Variants in GALNT13 observed in about 807,000 individuals in gnomAD.
GALNT13 encodes polypeptide N-acetylgalactosaminyltransferase 13.
Under a neutral mutation model 64.2 loss-of-function variants are expected in GALNT13, and 28 were observed. The observed-to-expected ratio is 0.44, with a 90% CI of 0.32 to 0.60. The LOEUF (loss-of-function observed/expected upper bound fraction) is 0.60, where lower values mean the gene tolerates loss of function less well. Ranked by LOEUF, GALNT13 falls within the 20% of genes least tolerant of loss-of-function variation. GALNT13 has a pLI of 0.05. For synonymous variants in GALNT13, 214 were observed against 224.6 expected (o/e 0.95, Z 0.42); for missense variants, 577 against 669.8 (o/e 0.86, Z 1.53).
At chr2:154,291,791 C>T (rs1305282281) in intron 8 of GALNT13, among the ~76,000 whole-genome samples, 1 of 152,274 alleles carries the variant, frequency 6.6e-6, no homozygotes, top group African/African-American at 2.4e-5. Context: ...TCAGCAAGAG[C>T]GGACGCTGAG....
At chr2:153,926,412 A>G (rs939559154) in intron 2 of GALNT13, 2 of 152,114 alleles carry the variant, frequency 1.3e-5, no homozygotes, top group African/African-American at 2.4e-5. Flanking sequence ...GTATTTGTTT[A>G]AACAAAAGCC....
intron 4 of GALNT13, among the ~76,000 whole-genome samples, chr2:154,230,261 A>G (rs976460207): frequency 2.6e-5 from 4 of 152,142 alleles, no homozygotes; most frequent in Non-Finnish European, 5.9e-5. Flanking sequence ...GTAAAAATTT[A>G]ACTTATGAAT....
chr2:153,694,239 A>G, the GALNT13 span, among the ~76,000 whole-genome samples: 1 of 152,118 alleles, frequency 6.6e-6, no homozygotes, highest in Non-Finnish European at 1.5e-5. Flanking sequence ...TGGGGTGCTG[A>G]GAGTTTATTT....
chr2:153,746,625 C>T, the GALNT13 span, among the ~76,000 whole-genome samples: 1 of 151,988 alleles, frequency 6.6e-6, no homozygotes, highest in Non-Finnish European at 1.5e-5. Flanking sequence ...TTGGAGAACT[C>T]GTGTATTTCT....
At position 154,301,283 on chromosome 2, in the gene GALNT13, C is replaced by T. The variant is rs77287549; in HGVS notation, c.976-126C>T. 5,335 of 752,284 alleles carry T rather than the reference C, an allele frequency of 7.1e-3. 113 individuals are homozygous for T. Among genetic ancestry groups the T allele is most frequent in the African/African-American group, 0.059 (3,373 of 57,614 alleles). 46.6% of individuals were successfully genotyped at this position (752,284 alleles called of 1,614,324 possible). On this transcript the variant is annotated intron_variant, in intron 8 of 12. Transcript: ENST00000392825. ...TTTGCCAAAAGTAAGTATAGTGTAC[C>T]AGTTCTAAATTTTGCATCAGATATT...
chr2:153,477,416 A>C, the GALNT13 span: 340 of 152,722 alleles, frequency 2.2e-3, no homozygotes, highest in South Asian at 0.011. Flanking sequence ...CACGGATGTC[A>C]AGAGCACTTT....
intron 11 of GALNT13, chr2:154,436,349 A>G (rs965579674): frequency 2.0e-5 from 3 of 152,216 alleles, no homozygotes; most frequent in Non-Finnish European, 2.9e-5. Flanking sequence ...TATATGGTAG[A>G]CTGCTCTCTG....
intron 9 of GALNT13, among the ~76,000 whole-genome samples, chr2:154,324,262 G>A (rs564130116): frequency 4.6e-5 from 7 of 151,088 alleles, no homozygotes; most frequent in South Asian, 2.1e-4. Flanking sequence ...TAACATTTTG[G>A]TTCTTCGTCT....
At chr2:153,588,656 G>A in the GALNT13 span, among the ~76,000 whole-genome samples, 1 of 152,216 alleles carries the variant, frequency 6.6e-6, no homozygotes, top group Non-Finnish European at 1.5e-5. Flanking sequence ...CTGCCCTGGA[G>A]ACATTGTCCC....
At chr2:153,764,098 G>T in the GALNT13 span, among the ~76,000 whole-genome samples, 11 of 152,206 alleles carry the variant, frequency 7.2e-5, no homozygotes, top group South Asian at 2.1e-4. Context: ...TGAGGAACTT[G>T]TTGGGAACTG....
chr2:153,301,332 A>T, the GALNT13 span, among the ~76,000 whole-genome samples: 2 of 148,924 alleles, frequency 1.3e-5, no homozygotes, highest in Non-Finnish European at 3.0e-5. Context: ...AAAAAAAAAG[A>T]GTCTGCAGAA....
the GALNT13 span, among the ~76,000 whole-genome samples, chr2:153,083,398 A>G: frequency 1.3e-5 from 2 of 152,156 alleles, no homozygotes; most frequent in Non-Finnish European, 2.9e-5. Context: ...CTACCCCAAC[A>G]TCTATTATTT....
intron 9 of GALNT13, among the ~76,000 whole-genome samples, chr2:154,392,171 G>T (rs1698827650): frequency 6.6e-6 from 1 of 152,176 alleles, no homozygotes; most frequent in Admixed American, 6.5e-5. Flanking sequence ...CCTGCTGCTT[G>T]CTGCACTGGA....
At chr2:154,364,468 TCAC>T (rs10618297) in intron 9 of GALNT13, among the ~76,000 whole-genome samples, 98,478 of 151,746 alleles carry the variant, frequency 0.65, 32,391 homozygotes, top group East Asian at 0.78. Flanking sequence ...AAAAGTGTGA[TCAC>T]GGGCAGTTAG....
chr2:153,607,681 C>G, the GALNT13 span, among the ~76,000 whole-genome samples: 3 of 151,936 alleles, frequency 2.0e-5, no homozygotes, highest in Non-Finnish European at 2.9e-5. Flanking sequence ...TAAATTGAAT[C>G]TATGTGTTTA....
At chr2:153,575,543 G>T in the GALNT13 span, among the ~76,000 whole-genome samples, 22 of 152,174 alleles carry the variant, frequency 1.4e-4, no homozygotes, top group African/African-American at 5.1e-4. Context: ...AGTCTACCTG[G>T]TATTCTATTG....
At chr2:154,147,521 A>G (rs979017890) in intron 4 of GALNT13, among the ~76,000 whole-genome samples, 11 of 151,866 alleles carry the variant, frequency 7.2e-5, no homozygotes, top group Admixed American at 1.3e-4. Flanking sequence ...GTGTAGAATC[A>G]GGCTGACACA....
chr2:153,956,097 C>T (rs562381296), intron 3 of GALNT13, among the ~76,000 whole-genome samples: 1 of 152,256 alleles, frequency 6.6e-6, no homozygotes, highest in East Asian at 1.9e-4. Flanking sequence ...AAACCAAAAG[C>T]CAAAATGAGG....
chr2:154,189,537 C>T (rs564445590), intron 4 of GALNT13, among the ~76,000 whole-genome samples: 55 of 151,372 alleles, frequency 3.6e-4, no homozygotes, highest in Admixed American at 1.1e-3. Flanking sequence ...TCCTCACGTC[C>T]GCACCTGAGC....
Sources: gnomAD v4.1 joint callset for allele counts (sites outside exome capture counted in the v4.1 genomes callset) on GRCh38, gnomAD v4.1.1 for gene constraint, MANE v1.5 for transcripts, NCBI Gene and HGNC (gene_info 2026-07-23, HGNC 2026-07-21) for gene names.